Variants in EFCAB5 observed in about 807,000 individuals in gnomAD.
EFCAB5 encodes the protein EF-hand calcium-binding domain-containing protein 5.
A neutral mutation model predicts 167.9 loss-of-function variants in EFCAB5; 131 were observed. The ratio of observed to expected loss-of-function variants is 0.78; its 90% CI spans 0.68 to 0.90. The LOEUF is 0.90. EFCAB5 is among the 40% of genes least tolerant of loss of function. The pLI is 0.00. For missense variants in EFCAB5, 1,663 were observed against 1,745.2 expected (o/e 0.95, Z 0.84); for synonymous variants, 574 against 602.8 (o/e 0.95, Z 0.70).
chr17:30,067,967 C>T lies in EFCAB5; in HGVS notation c.2737+8266C>T, dbSNP rs550300089. Among the ~76,000 whole-genome samples, 23 of 152,242 alleles carry T rather than the reference C, an allele frequency of 1.5e-4. No homozygotes were observed. In the South Asian group the frequency reaches 4.2e-3, roughly 28 times the overall value. The stretch of plus-strand genomic sequence containing the variant: ...AAGCTCCACCAAAAAATTATTAAAA[C>T]GGATAAACGAATTCAGTAAAGTTGC... On this transcript the variant is annotated intron_variant, in intron 14 of 22. Transcript: ENST00000394835.
At chr17:30,068,755 C>A in intron 14 of EFCAB5, 2 of 1,420,640 alleles carry the variant, frequency 1.4e-6, no homozygotes, top group Middle Eastern at 3.5e-4. Context: ...CCGCAGGAGT[C>A]CCTGGCCCAA....
chr17:30,084,849 A>T (rs1480200559), intron 18 of EFCAB5, among the ~76,000 whole-genome samples: 3 of 152,140 alleles, frequency 2.0e-5, no homozygotes, highest in Non-Finnish European at 4.4e-5. Context: ...CAACTGGGGC[A>T]TTGATGCTTC....
chr17:29,981,377 G>A (rs543073031), intron 4 of EFCAB5, among the ~76,000 whole-genome samples: 1 of 152,224 alleles, frequency 6.6e-6, no homozygotes, highest in East Asian at 1.9e-4. Context: ...CTTCACATAT[G>A]CCATTCCCTC....
Position 30,083,066 on chromosome 17 carries a change from A to G in EFCAB5, c.3579+23A>G, listed in dbSNP as rs2071021555. 4 of 1,610,414 alleles carry G rather than the reference A, an allele frequency of 2.5e-6. No individual in the cohort carries two copies. The Admixed American group carries it at 5.1e-5, about 20-fold the overall frequency. ...CAGGTAGGCAAGGCTCAGTAGTGGT[A>G]GATCTCTCCAAGGTAGCCGAGTGTC... is the stretch of plus-strand genomic sequence containing the variant. On this transcript the variant is annotated intron_variant, in intron 18 of 22. Transcript: ENST00000394835.
chr17:30,071,689 A>T (rs2070740975), intron 14 of EFCAB5, among the ~76,000 whole-genome samples: 1 of 152,188 alleles, frequency 6.6e-6, no homozygotes, highest in Non-Finnish European at 1.5e-5. Context: ...AGAGATTTCT[A>T]CATTCCCATG....
At chr17:30,007,939 G>T (rs2151672260) in intron 7 of EFCAB5, among the ~76,000 whole-genome samples, 1 of 152,100 alleles carries the variant, frequency 6.6e-6, no homozygotes, top group Middle Eastern at 3.4e-3. Context: ...AGTGAACCAT[G>T]ATTGCACCAC....
chr17:29,980,605 T>C (rs1312037675), intron 4 of EFCAB5, among the ~76,000 whole-genome samples: 1 of 152,220 alleles, frequency 6.6e-6, no homozygotes, highest in Non-Finnish European at 1.5e-5. Flanking sequence ...CTTCTGTTTC[T>C]CTATTTAGTC....
intron 4 of EFCAB5, among the ~76,000 whole-genome samples, chr17:29,985,798 G>A (rs1157975860): frequency 1.3e-5 from 2 of 152,172 alleles, no homozygotes; most frequent in Non-Finnish European, 2.9e-5. Flanking sequence ...TGGGGATCAT[G>A]GCCATCAGGA....
intron 20 of EFCAB5, 101 bp from the exon 21 acceptor site, chr17:30,091,770 A>G: frequency 7.5e-7 from 1 of 1,338,998 alleles, no homozygotes; most frequent in Non-Finnish European, 1.0e-6. Flanking sequence ...TTTCTTGACA[A>G]AAACATTTAC....
In EFCAB5 at chr17:30,053,422, C is replaced by T. The variant is rs753592370; in HGVS notation, c.1468C>T (p.Gln490Ter). 18 of 1,613,808 alleles carry T rather than the reference C, an allele frequency of 1.1e-5. No individual in the cohort carries two copies. The highest frequency in any genetic ancestry group is 1.4e-5 in the Non-Finnish European group (17 of 1,179,898). Residue 490 changes from glutamine to a stop codon, truncating the protein, a stop_gained, in exon 10 of 23, where the codon CAA becomes TAA. Transcript: ENST00000394835. LOFTEE classifies it high-confidence loss of function. The stretch of plus-strand genomic sequence containing the variant: ...AAGTAAATTATTAGAAAGTCCAGAT[C>T]AACCTAAACTTAACGAACAGAGAAC... ...TQSKLLESPD[Q>*]PKLNEQRTST...
intron 19 of EFCAB5, among the ~76,000 whole-genome samples, chr17:30,087,512 G>T (rs1174638912): frequency 6.6e-6 from 1 of 152,060 alleles, no homozygotes; most frequent in Admixed American, 6.6e-5. Context: ...TCATTGTTCA[G>T]CTCCCACTTA....
chr17:29,940,119 A>T (rs767930353), upstream of EFCAB5, among the ~76,000 whole-genome samples: 19 of 148,828 alleles, frequency 1.3e-4, no homozygotes, highest in Admixed American at 3.4e-4. Flanking sequence ...CTCATTGCCG[A>T]GGCTGGAGTG....
At chr17:30,055,050 C>T (rs1376422256) in intron 10 of EFCAB5, among the ~76,000 whole-genome samples, 4 of 152,072 alleles carry the variant, frequency 2.6e-5, no homozygotes, top group African/African-American at 7.3e-5. Flanking sequence ...GTAATCCCAG[C>T]ACTTTGAGAG....
intron 4 of EFCAB5, among the ~76,000 whole-genome samples, chr17:29,986,675 G>A (rs990304648): frequency 1.8e-5 from 2 of 113,026 alleles, no homozygotes; most frequent in African/African-American, 3.7e-5. Flanking sequence ...TTGAGACGGA[G>A]TCTCGCTGTC....
At chr17:30,027,719 C>A (rs1296372193) in intron 7 of EFCAB5, among the ~76,000 whole-genome samples, 1 of 151,998 alleles carries the variant, frequency 6.6e-6, no homozygotes, top group Non-Finnish European at 1.5e-5. Flanking sequence ...TGGTTCCAGG[C>A]AAAGTGAGGC....
chr17:30,043,457 T>G (rs2069832479), intron 8 of EFCAB5, among the ~76,000 whole-genome samples: 1 of 152,100 alleles, frequency 6.6e-6, no homozygotes, highest in South Asian at 2.1e-4. Context: ...CATGATCTTC[T>G]GTGTAGAAAA....
chr17:30,075,722 G>A (rs771968825), intron 14 of EFCAB5, among the ~76,000 whole-genome samples: 19 of 151,796 alleles, frequency 1.3e-4, no homozygotes, highest in South Asian at 4.1e-4. Context: ...TACCCTCCTC[G>A]CTCTGCTCAG....
intron 7 of EFCAB5, among the ~76,000 whole-genome samples, chr17:30,014,007 T>C (rs1435513087): frequency 6.6e-6 from 1 of 152,236 alleles, no homozygotes; most frequent in Non-Finnish European, 1.5e-5. Context: ...GTTGTGTCTT[T>C]GTTCTCATTG....
intron 3 of EFCAB5, among the ~76,000 whole-genome samples, chr17:29,967,196 A>G (rs2067846996): frequency 6.6e-6 from 1 of 152,180 alleles, no homozygotes; most frequent in Non-Finnish European, 1.5e-5. Flanking sequence ...TTTTTCTTAA[A>G]CATTCTGTGA....
Sources: gnomAD v4.1 joint callset for allele counts (sites outside exome capture counted in the v4.1 genomes callset) on GRCh38, gnomAD v4.1.1 for gene constraint, MANE v1.5 for transcripts, NCBI Gene and HGNC (gene_info 2026-07-23, HGNC 2026-07-21) for gene names.